GLRA2: variants seen among roughly 807,000 people sequenced by gnomAD.
The protein encoded by GLRA2 is glycine receptor alpha 2.
GLRA2 carries 11 observed loss-of-function variants against 31.6 expected under a neutral mutation model. That is an observed-to-expected ratio of 0.35 (90% CI 0.22 to 0.58). The LOEUF is 0.58. Among genes scored for constraint, GLRA2 ranks in the 20% least tolerant of loss-of-function variants. The pLI is 0.84. For missense variants in GLRA2, 212 were observed against 351.8 expected (o/e 0.60, Z 3.18); for synonymous variants, 132 against 134.0 (o/e 0.99, Z 0.10).
intron 6 of GLRA2, among the ~76,000 whole-genome samples, chrX:14,608,054 A>G (rs1382426873): frequency 9.0e-6 from 1 of 111,629 alleles, no homozygotes; most frequent in African/African-American, 3.3e-5. Flanking sequence ...TTGCTGAGGA[A>G]AACAGTTTAT....
At chrX:14,592,157 C>G (rs758222270) in intron 4 of GLRA2, among the ~76,000 whole-genome samples, 13 of 111,628 alleles carry the variant, frequency 1.2e-4, no homozygotes, top group Non-Finnish European at 2.1e-4. Flanking sequence ...TCCCAAACCA[C>G]AAAACACTTT....
intron 7 of GLRA2, among the ~76,000 whole-genome samples, chrX:14,683,086 A>T (rs1320606687): frequency 1.7e-4 from 19 of 111,934 alleles, no homozygotes; most frequent in Admixed American, 1.3e-3. Flanking sequence ...TGGCTGGGTC[A>T]AATGGTATTT....
At chrX:14,550,336 A>T (rs997887207) in intron 2 of GLRA2, among the ~76,000 whole-genome samples, 2 of 109,217 alleles carry the variant, frequency 1.8e-5, no homozygotes, top group Non-Finnish European at 3.8e-5. Flanking sequence ...AGTACGAGTG[A>T]GATAGAGGAT....
the GLRA2 span, among the ~76,000 whole-genome samples, chrX:14,471,238 G>A: frequency 6.3e-5 from 7 of 111,842 alleles, no homozygotes; most frequent in Non-Finnish European, 1.3e-4. Context: ...AAACAGTAAA[G>A]CAGTTAATTA....
At chrX:14,466,394 A>C in the GLRA2 span, among the ~76,000 whole-genome samples, 10 of 111,602 alleles carry the variant, frequency 9.0e-5, no homozygotes, top group African/African-American at 2.9e-4. Context: ...GGACTACTTA[A>C]CAGTAAACCT....
chrX:14,489,781 C>G, the GLRA2 span, among the ~76,000 whole-genome samples: 1 of 112,372 alleles, frequency 8.9e-6, no homozygotes, highest in African/African-American at 3.2e-5. Flanking sequence ...TCACTGCTGA[C>G]CAGTAGACAT....
At chrX:14,656,715 G>A (rs1373094250) in intron 7 of GLRA2, among the ~76,000 whole-genome samples, 21 of 112,242 alleles carry the variant, frequency 1.9e-4, no homozygotes. Flanking sequence ...AGGCACTGAG[G>A]AGATAGTGGT....
chrX:14,497,770 G>T, the GLRA2 span, among the ~76,000 whole-genome samples: 1 of 111,182 alleles, frequency 9.0e-6, no homozygotes, highest in Non-Finnish European at 1.9e-5. Context: ...TGGCCTCTAA[G>T]ATACACTTTG....
intron 7 of GLRA2, among the ~76,000 whole-genome samples, chrX:14,633,204 A>G (rs2090670579): frequency 8.9e-6 from 1 of 112,325 alleles, no homozygotes; most frequent in Admixed American, 9.4e-5. Flanking sequence ...ATTTGTAAAT[A>G]CAATGAATTG....
chrX:14,574,661 C>T, intron 3 of GLRA2: 1 of 597,606 alleles, frequency 1.7e-6, no homozygotes, highest in Non-Finnish European at 2.8e-6. Context: ...TGCCAATTTC[C>T]AACTTTGCTC....
chrX:14,520,769 T>G, the GLRA2 span, among the ~76,000 whole-genome samples: 1 of 112,591 alleles, frequency 8.9e-6, no homozygotes, highest in African/African-American at 3.2e-5. Flanking sequence ...GCTGGACTTT[T>G]GAAAATTAGA....
intron 7 of GLRA2, among the ~76,000 whole-genome samples, chrX:14,671,347 A>G (rs2091090774): frequency 8.9e-6 from 1 of 112,183 alleles, no homozygotes; most frequent in African/African-American, 3.2e-5. Context: ...AGACCCTGTG[A>G]CAAGCATTTG....
At chrX:14,599,572 TC>T (rs936774235) in intron 4 of GLRA2, among the ~76,000 whole-genome samples, 8 of 112,107 alleles carry the variant, frequency 7.1e-5, no homozygotes, top group African/African-American at 2.6e-4. Context: ...GTTCTTTTTT[TC>T]CCCCAAACTC....
At chrX:14,619,083 G>A (rs2090485874) in intron 7 of GLRA2, among the ~76,000 whole-genome samples, 1 of 111,126 alleles carries the variant, frequency 9.0e-6, no homozygotes, top group Non-Finnish European at 1.9e-5. Flanking sequence ...CTAGATCAGT[G>A]TTTGATGGAA....
chrX:14,579,528 C>G (rs111669773), intron 3 of GLRA2, among the ~76,000 whole-genome samples: 2 of 111,304 alleles, frequency 1.8e-5, no homozygotes, highest in African/African-American at 6.5e-5. Context: ...CGGTGTTTCA[C>G]CATGCTGGCC....
intron 8 of GLRA2, among the ~76,000 whole-genome samples, chrX:14,693,023 C>T (rs1455701169): frequency 2.9e-5 from 3 of 104,744 alleles, no homozygotes; most frequent in Non-Finnish European, 5.9e-5. Context: ...GCACATGTAC[C>T]CTAAAACTTA....
chrX:14,627,684 AC>A (rs1159468829), intron 7 of GLRA2, among the ~76,000 whole-genome samples: 1 of 111,179 alleles, frequency 9.0e-6, no homozygotes, highest in Admixed American at 9.6e-5. Flanking sequence ...TTTCCTACTC[AC>A]TTCCTGAACA....
intron 4 of GLRA2, among the ~76,000 whole-genome samples, chrX:14,599,856 T>A (rs1166680660): frequency 9.0e-6 from 1 of 111,723 alleles, no homozygotes; most frequent in Admixed American, 9.5e-5. Context: ...CTTAGGCCTT[T>A]AGATGCACGG....
intron 7 of GLRA2, among the ~76,000 whole-genome samples, chrX:14,678,760 T>A (rs957747230): frequency 1.8e-5 from 2 of 111,702 alleles, no homozygotes; most frequent in Non-Finnish European, 3.8e-5. Context: ...TCAATGAATT[T>A]ATCCACTCCT....
Sources: gnomAD v4.1 joint callset for allele counts (sites outside exome capture counted in the v4.1 genomes callset) on GRCh38, gnomAD v4.1.1 for gene constraint, MANE v1.5 for transcripts, NCBI Gene and HGNC (gene_info 2026-07-23, HGNC 2026-07-21) for gene names.